Variants in CPA6 observed in about 807,000 individuals in gnomAD.
The protein encoded by CPA6 is carboxypeptidase A6.
In CPA6, 58 loss-of-function variants were observed where a neutral mutation model predicts 63.3. The ratio of observed to expected loss-of-function variants is 0.92; its 90% CI spans 0.74 to 1.14. The LOEUF is 1.14. CPA6 is among the 50% of genes most tolerant of loss of function. The probability of loss-of-function intolerance (pLI) is 0.00; values close to 1 mark genes in which losing one functional copy is unlikely to be tolerated. For missense variants in CPA6, 565 were observed against 526.6 expected (o/e 1.07, Z -0.71); for synonymous variants, 185 against 179.0 (o/e 1.03, Z -0.27).
At chr8:67,422,907 G>T (rs981384769) in intron 10 of CPA6, among the ~76,000 whole-genome samples, 4 of 152,106 alleles carry the variant, frequency 2.6e-5, no homozygotes, top group African/African-American at 9.7e-5. Context: ...TCCAGTCTAC[G>T]TGTGAATGCC....
intron 2 of CPA6, among the ~76,000 whole-genome samples, chr8:67,529,451 T>C (rs1048065149): frequency 3.9e-5 from 6 of 152,092 alleles, no homozygotes; most frequent in African/African-American, 1.4e-4. Context: ...GTATGGAAGG[T>C]AATAAGAAAA....
intron 1 of CPA6, among the ~76,000 whole-genome samples, chr8:67,673,669 G>A (rs1167190533): frequency 6.6e-6 from 1 of 151,904 alleles, no homozygotes; most frequent in East Asian, 1.9e-4. Context: ...TGGGATTACA[G>A]GTGTGAGCCA....
chr8:67,465,737 T>C (rs1810911180), intron 8 of CPA6, among the ~76,000 whole-genome samples: 1 of 152,214 alleles, frequency 6.6e-6, no homozygotes. Context: ...TTTAATTCTG[T>C]TTATGTGGTG....
intron 1 of CPA6, among the ~76,000 whole-genome samples, chr8:67,713,099 G>A (rs2623839): frequency 0.31 from 16,522 of 52,668 alleles, 3,391 homozygotes; most frequent in Non-Finnish European, 0.41. Context: ...GTGTGTGTGT[G>A]TATATATATA....
In CPA6 at chr8:67,632,434, A is replaced by G. The variant is rs1322982385; in HGVS notation, c.117-8183T>C. 3.9e-5 allele frequency among the ~76,000 whole-genome samples: 6 copies of G among 152,266 alleles called. No homozygotes were observed. In the East Asian group the frequency reaches 1.2e-3, roughly 29 times the overall value. On this transcript the variant is annotated intron_variant, in intron 1 of 10. Coordinates refer to ENST00000297770, the MANE Select transcript of CPA6 (RefSeq NM_020361.5). The stretch of plus-strand genomic sequence containing the variant: ...TTGATCCTCCCACCTCAGCCTCCTG[A>G]GTAGCTGGGACTACAGGTGTGTGCC...
chr8:67,526,246 T>G (rs550010540), intron 2 of CPA6, among the ~76,000 whole-genome samples: 14 of 152,306 alleles, frequency 9.2e-5, no homozygotes, highest in African/African-American at 3.4e-4. Flanking sequence ...TTTAATAATT[T>G]TATCTAGAAG....
intron 2 of CPA6, among the ~76,000 whole-genome samples, chr8:67,565,037 T>C (rs1464667745): frequency 1.3e-5 from 2 of 152,194 alleles, no homozygotes; most frequent in Admixed American, 6.5e-5. Flanking sequence ...AGTTACGCCA[T>C]CTGAATTAAA....
At chr8:67,683,200 T>G (rs955086779) in intron 1 of CPA6, among the ~76,000 whole-genome samples, 2 of 152,244 alleles carry the variant, frequency 1.3e-5, no homozygotes, top group African/African-American at 4.8e-5. Flanking sequence ...TTGAAACCAT[T>G]GTTTCATGTG....
intron 2 of CPA6, among the ~76,000 whole-genome samples, chr8:67,570,359 G>A (rs573823433): frequency 1.3e-5 from 2 of 152,234 alleles, no homozygotes; most frequent in South Asian, 2.1e-4. Context: ...AAATAATAAC[G>A]CTAAACATAT....
chr8:67,609,241 C>A (rs1307983796), intron 2 of CPA6, among the ~76,000 whole-genome samples: 1 of 152,202 alleles, frequency 6.6e-6, no homozygotes, highest in Non-Finnish European at 1.5e-5. Context: ...TTACAACACC[C>A]TCAAATAACT....
chr8:67,537,053 T>C (rs1417863521), intron 2 of CPA6, among the ~76,000 whole-genome samples: 1 of 152,226 alleles, frequency 6.6e-6, no homozygotes, highest in African/African-American at 2.4e-5. Flanking sequence ...GCCGACTTGA[T>C]CATGGTGGAC....
chr8:67,744,352 T>C (rs80274855), intron 1 of CPA6, among the ~76,000 whole-genome samples: 5,503 of 152,254 alleles, frequency 0.036, 301 homozygotes, highest in African/African-American at 0.12. Context: ...ATTATGTCCA[T>C]TGCTGAAAAC....
intron 2 of CPA6, among the ~76,000 whole-genome samples, chr8:67,552,774 C>CAAAAAAAA (rs762395117): frequency 0.027 from 560 of 20,754 alleles, 5 homozygotes; most frequent in Middle Eastern, 0.083. Context: ...AAGACTGTCT[C>CAAAAAAAA]AAAAAAAAAA....
intron 8 of CPA6, among the ~76,000 whole-genome samples, chr8:67,475,038 C>G (rs1811143383): frequency 6.6e-6 from 1 of 152,148 alleles, no homozygotes; most frequent in Non-Finnish European, 1.5e-5. Flanking sequence ...CTTCCTAAGT[C>G]TCAGCATTCA....
At chr8:67,657,943 C>A (rs1449241995) in intron 1 of CPA6, among the ~76,000 whole-genome samples, 1 of 152,178 alleles carries the variant, frequency 6.6e-6, no homozygotes, top group Non-Finnish European at 1.5e-5. Context: ...CTCCTGCCAG[C>A]CATGACTCTA....
At position 67,433,840 on chromosome 8, in the gene CPA6, C is replaced by T. The variant is rs551044462; in HGVS notation, c.1041+198G>A. Among the ~76,000 whole-genome samples the T allele has an allele frequency of 2.6e-5, 4 of 152,330 alleles. No individual in the cohort carries two copies. In the East Asian group the frequency reaches 7.7e-4, roughly 29 times the overall value. On this transcript the variant is annotated intron_variant, in intron 9 of 10. Transcript: ENST00000297770. ...AATTACTTAATCTCTCAGCTTCTAG[C>T]TTCTTTACCTGTAAAGTGGGGATAA...
At chr8:67,544,015 T>C (rs1388386980) in intron 2 of CPA6, among the ~76,000 whole-genome samples, 2 of 152,158 alleles carry the variant, frequency 1.3e-5, no homozygotes, top group African/African-American at 4.8e-5. Context: ...CTCGAACTCC[T>C]GGTCTCAAGT....
At chr8:67,525,956 C>T (rs1812353331) in intron 2 of CPA6, among the ~76,000 whole-genome samples, 1 of 152,114 alleles carries the variant, frequency 6.6e-6, no homozygotes, top group Non-Finnish European at 1.5e-5. Flanking sequence ...ACTGAAAGCC[C>T]AGATATCACC....
At chr8:67,585,745 A>G (rs1813915172) in intron 2 of CPA6, among the ~76,000 whole-genome samples, 1 of 152,198 alleles carries the variant, frequency 6.6e-6, no homozygotes, top group Admixed American at 6.5e-5. Context: ...ATTAGCATAC[A>G]CAGGGAGTAA....
Sources: gnomAD v4.1 joint callset for allele counts (sites outside exome capture counted in the v4.1 genomes callset) on GRCh38, gnomAD v4.1.1 for gene constraint, MANE v1.5 for transcripts, NCBI Gene and HGNC (gene_info 2026-07-23, HGNC 2026-07-21) for gene names.